GPC2: variants seen among roughly 807,000 people sequenced by gnomAD.
The protein encoded by GPC2 is glypican 2.
A neutral mutation model predicts 57.3 loss-of-function variants in GPC2; 42 were observed. The observed-to-expected ratio is 0.73, with a 90% CI of 0.57 to 0.95. GPC2 has a LOEUF of 0.95. GPC2 is among the 40% of genes least tolerant of loss of function. The pLI is 0.00. For synonymous variants in GPC2, 364 were observed against 343.4 expected, an observed-to-expected ratio of 1.06 and a Z score of -0.66; for missense variants, 745 against 793.6, an observed-to-expected ratio of 0.94 and a Z score of 0.74.
At position 100,171,458 on chromosome 7, in the gene GPC2, A is replaced by G. The variant is rs752317247; in HGVS notation, c.1311-22T>C. The stretch of plus-strand genomic sequence containing the variant: ...GTACCTGCGAGCAGAGCAGCCCCGA[A>G]GCGCCAGCTAGCGCGCGCGGCCCCG... On this transcript the variant is annotated intron_variant, in intron 8 of 9. Transcript: ENST00000292377. The surrounding 1 kb of genome is among the most constrained non-coding windows in gnomAD (Gnocchi z 4.8). 55 of 1,360,254 alleles carry G rather than the reference A, an allele frequency of 4.0e-5. No individual in the cohort carries two copies. The African/African-American group carries it at 7.7e-4, about 19-fold the overall frequency. The allele number at this position is 1,360,254 out of a possible 1,614,324, so 84.3% of individuals were successfully genotyped here. A position where few individuals can be genotyped will look rare whatever the true frequency, so the allele number is the denominator to read the frequency against.
At chr7:100,172,953 A>C (rs1799210752) in intron 5 of GPC2, among the ~76,000 whole-genome samples, 1 of 151,162 alleles carries the variant, frequency 6.6e-6, no homozygotes, top group South Asian at 2.1e-4. Flanking sequence ...GGCTCACTGC[A>C]ATCTCTGCCT....
In GPC2 at chr7:100,176,238, G is replaced by C; in HGVS notation, c.294C>G (p.His98Gln). ...ATTTTCTGTGCCTGGCAGCCAGTGT[G>C]TGAACCAGAAAGGAGCCGCTGTCCT... ...LVEDSGSFLV[H>Q]TLAARHRKFD... Residue 98 changes from histidine to glutamine, a missense_variant, in exon 2 of 10, where the codon CAC becomes CAG. By Grantham distance (24) the His-to-Gln change is conservative. Coordinates refer to ENST00000292377, the MANE Select transcript of GPC2 (RefSeq NM_152742.3). 6.2e-7 allele frequency: 1 copy of C among 1,612,946 alleles called. No individual in the cohort carries two copies. Among genetic ancestry groups the C allele is most frequent in the Non-Finnish European group, 8.5e-7 (1 of 1,179,508 alleles).
chr7:100,173,107 C>T (rs1244398759), intron 5 of GPC2, among the ~76,000 whole-genome samples: 2 of 152,030 alleles, frequency 1.3e-5, no homozygotes, highest in Non-Finnish European at 2.9e-5. Context: ...CTCCTGACCT[C>T]TTGATCCACC....
Position 100,171,950 on chromosome 7 carries a change from C to T in GPC2, c.1024-25G>A, listed in dbSNP as rs1799186808. On this transcript the variant is annotated intron_variant, in intron 6 of 9. Coordinates refer to ENST00000292377, the MANE Select transcript of GPC2 (RefSeq NM_152742.3). This position sits in a 1 kb window ranked among gnomAD's most constrained non-coding sequence, Gnocchi z 4.8. ...CCTGCGGCACCGGGAAGAGACCTCA[C>T]ACAGTCACCCTGGGGGGAAACCACA... The T allele has an allele frequency of 6.5e-6, 10 of 1,531,674 alleles. No homozygotes were observed. Among genetic ancestry groups the T allele is most frequent in the African/African-American group, 1.4e-5 (1 of 73,144 alleles). The allele number at this position is 1,531,674 out of a possible 1,614,324, so 94.9% of individuals were successfully genotyped here.
chr7:100,177,079 C>G lies in GPC2; in HGVS notation c.121G>C (p.Ala41Pro), dbSNP rs775950099. ...SCAETRQVLG[A>P]RGYSLNLIPP... is the part of the protein sequence containing the mutation. Reference sequence around the variant, plus strand: ...ATTAGGTTTAAGCTATATCCCCGGGCCCCCAGCACCTGCCGGGTCTCTGCA... The same window carrying G: ...ATTAGGTTTAAGCTATATCCCCGGGGCCCCAGCACCTGCCGGGTCTCTGCA... The change falls in exon 1 of 10, where the codon GCC (alanine) becomes CCC (proline). Residue 41 changes from alanine to proline, a missense_variant. Ala to Pro is a conservative substitution (Grantham distance 27). Around this residue, in one of 2 missense-constraint regions of GPC2, gnomAD observed 138 missense variants for 189.8 expected, o/e 0.73. Coordinates refer to ENST00000292377, the MANE Select transcript of GPC2 (RefSeq NM_152742.3). 8 of 1,603,486 alleles carry G rather than the reference C, an allele frequency of 5.0e-6. No homozygotes were observed. The South Asian group carries it at 5.5e-5, about 11-fold the overall frequency.
chr7:100,174,619 T>C (rs777145913), intron 4 of GPC2, 66 bp downstream of exon 4: 5 of 1,200,432 alleles, frequency 4.2e-6, no homozygotes, highest in Non-Finnish European at 6.2e-6. Flanking sequence ...GTTTCTTCCT[T>C]GTGGGGTCTC....
At chr7:100,172,465 A>ATTTTTTTTTTTTTTTTTT (rs766292878) in intron 5 of GPC2, among the ~76,000 whole-genome samples, 20 of 140,178 alleles carry the variant, frequency 1.4e-4, no homozygotes, top group Non-Finnish European at 2.7e-4. Flanking sequence ...GGATTTTAGG[A>ATTTTTTTTTTTTTTTTTT]TTTTTTTTTT....
chr7:100,176,976 A>AGGCGGGGGGGGGGGGGGGGG, intron 1 of GPC2, 58 bp downstream of exon 1: 1 of 793,266 alleles, frequency 1.3e-6, no homozygotes. Context: ...TTGTGAGATG[A>AGGCGGGGGGGGGGGGGGGGG]GGAGGCCCCG....
Position 100,173,840 on chromosome 7 carries a change from T to G in GPC2, c.887A>C (p.Tyr296Ser). 6.4e-7 allele frequency: 1 copy of G among 1,564,104 alleles called. No homozygotes were observed. The highest frequency in any genetic ancestry group is 8.7e-7 in the Non-Finnish European group (1 of 1,155,324). Reference sequence around the variant, plus strand: ...GCTTTCTTGAATCCCCTCACCCAGATAGTTGCCCCAGTCAGGCTCCAGTCC... The same window carrying G: ...GCTTTCTTGAATCCCCTCACCCAGAGAGTTGCCCCAGTCAGGCTCCAGTCC... ...SRGLEPDWGN[Y>S]LDGLLILADK... The change falls in exon 5 of 10, where the codon TAT becomes TCT. Residue 296 changes from tyrosine (Y) to serine (S), a missense_variant. Tyr to Ser is a moderately radical substitution (Grantham distance 144). This residue lies in a region of GPC2 where 607 missense variants were observed against 603.9 expected (regional missense o/e 1.01). Transcript: ENST00000292377.
Position 100,170,280 on chromosome 7 carries a change from T to C in GPC2, c.1690A>G (p.Thr564Ala). The C allele has an allele frequency of 6.3e-7, 1 of 1,592,684 alleles. No individual in the cohort carries two copies. The highest frequency in any genetic ancestry group is 8.6e-7 in the Non-Finnish European group (1 of 1,169,294). ...GCTGAGAGGGAGAGAATGAGGATGG[T>C]TTGGGTGTGAAAACCAATAGATGCC... is the stretch of plus-strand genomic sequence containing the variant. ...GGASIGFHTQTILILSLSALA... is the reference protein window; with the variant it reads ...GGASIGFHTQAILILSLSALA... The change falls in exon 10 of 10, where the codon ACC (threonine) becomes GCC (alanine). Residue 564 changes from threonine to alanine, a missense_variant. Transcript: ENST00000292377.
In GPC2 at chr7:100,172,465, A is replaced by ATTTTTTTTTTTTTTTT. The variant is rs766292878; in HGVS notation, c.893-249_893-248insAAAAAAAAAAAAAAAA. Among the ~76,000 whole-genome samples, 590 of 140,100 alleles carry ATTTTTTTTTTTTTTTT rather than the reference A, an allele frequency of 4.2e-3. 4 individuals are homozygous for ATTTTTTTTTTTTTTTT. Among genetic ancestry groups the ATTTTTTTTTTTTTTTT allele is most frequent in the South Asian group, 0.013 (55 of 4,380 alleles). 91.9% of individuals were successfully genotyped at this position (140,100 alleles called of 152,430 possible). On this transcript the variant is annotated intron_variant, in intron 5 of 9. Coordinates refer to ENST00000292377, the MANE Select transcript of GPC2 (RefSeq NM_152742.3). ...TAAATTTAAATTTTAGGATTTTAGG[A>ATTTTTTTTTTTTTTTT]TTTTTTTTTTTTTTGAGACATAGTC...
rs1167353626 is a variant in GPC2, at chr7:100,171,185, G to T, written c.1486+76C>A. 7.8e-7 allele frequency: 1 copy of T among 1,280,204 alleles called. No individual in the cohort carries two copies. 79.3% of individuals were successfully genotyped at this position (1,280,204 alleles called of 1,614,324 possible). On this transcript the variant is annotated intron_variant, in intron 9 of 9. Transcript: ENST00000292377. The surrounding 1 kb of genome is among the most constrained non-coding windows in gnomAD (Gnocchi z 4.8). ...AATGAACGCTAAGAGCAGAGGCACG[G>T]GCGGGAACTACCAGGAGAGGGGAGA...
intron 4 of GPC2, chr7:100,174,346 G>T: frequency 3.8e-6 from 2 of 520,846 alleles, no homozygotes; most frequent in South Asian, 4.2e-5. Flanking sequence ...CAGGCATCTG[G>T]CCTTCAGCAG....
At position 100,177,160 on chromosome 7, in the gene GPC2, G is replaced by C. The variant is rs986640718; in HGVS notation, c.40C>G (p.Leu14Val). Residue 14 changes from leucine (L) to valine (V), a missense_variant, in exon 1 of 10, where the codon CTG becomes GTG. This residue lies in a region of GPC2 where 138 missense variants were observed against 189.8 expected (regional missense o/e 0.73). Transcript: ENST00000292377. ...LRPLLLLLLPLCPGPGPGPGS... is the reference protein window; with the variant it reads ...LRPLLLLLLPVCPGPGPGPGS... ...GGTCCGGGACCAGGACCGGGACACAGAGGCAGCAGCAGAAGCAGGAGAGGT... is the reference window on the plus strand; with the variant it reads ...GGTCCGGGACCAGGACCGGGACACACAGGCAGCAGCAGAAGCAGGAGAGGT... 7.4e-6 allele frequency: 12 copies of C among 1,613,828 alleles called. No homozygotes were observed. Among genetic ancestry groups the C allele is most frequent in the African/African-American group, 2.7e-5 (2 of 74,946 alleles).
At position 100,171,575 on chromosome 7, in the gene GPC2, TC is replaced by T; in HGVS notation, c.1273del (p.Glu425ArgfsTer57). ...DSRMAADASL[E>X]AAPCWTGAGR... ...GGCTCCGGTCCAGCAGGGCGCCGCC[TC>T]CAGCGAGGCGTCCGCTGCCATGCGA... is the stretch of plus-strand genomic sequence containing the variant. On this transcript the variant is annotated frameshift_variant, in exon 8 of 10. Transcript: ENST00000292377. LOFTEE classifies it high-confidence loss of function. The surrounding 1 kb of genome is among the most constrained non-coding windows in gnomAD (Gnocchi z 4.8). The T allele has an allele frequency of 6.7e-7, 1 of 1,502,112 alleles. No individual in the cohort carries two copies. Among genetic ancestry groups the T allele is most frequent in the African/African-American group, 1.4e-5 (1 of 69,406 alleles). The allele number at this position is 1,502,112 out of a possible 1,614,324, so 93.0% of individuals were successfully genotyped here. A position where few individuals can be genotyped will look rare whatever the true frequency, so the allele number is the denominator to read the frequency against.
chr7:100,174,621 TG>T, intron 4 of GPC2, 63 bp downstream of exon 4: 1 of 1,213,252 alleles, frequency 8.2e-7, no homozygotes, highest in Non-Finnish European at 1.2e-6. Flanking sequence ...TTCTTCCTTG[TG>T]GGGTCTCTCT....
At chr7:100,175,982 A>G (rs1799267259) in intron 2 of GPC2, 88 bp from the exon 3 acceptor site, 1 of 1,119,370 alleles carries the variant, frequency 8.9e-7, no homozygotes. Context: ...AGGAGATGGG[A>G]GAGAAGAGAA....
chr7:100,171,641 C>A lies in GPC2; in HGVS notation c.1208G>T (p.Gly403Val), dbSNP rs781442990. The A allele has an allele frequency of 3.3e-6, 5 of 1,527,898 alleles. No individual in the cohort carries two copies. In the South Asian group the frequency reaches 6.1e-5, roughly 19 times the overall value. 94.6% of individuals were successfully genotyped at this position (1,527,898 alleles called of 1,614,324 possible). Residue 403 changes from glycine (G) to valine (V), a missense_variant, in exon 8 of 10, where the codon GGC becomes GTC. Gly to Val is a moderately radical substitution (Grantham distance 109). Transcript: ENST00000292377. The surrounding 1 kb of genome is among the most constrained non-coding windows in gnomAD (Gnocchi z 4.8). Reference sequence around the variant, plus strand: ...CGTCAGGGACAGCCGGGCCCAGAAGCCCCGCATCCGGGCCAGACGCTCGCG... The same window carrying A: ...CGTCAGGGACAGCCGGGCCCAGAAGACCCGCATCCGGGCCAGACGCTCGCG... ...ELRERLARMR[G>V]FWARLSLTVC...
At position 100,177,358 on chromosome 7, in the gene GPC2, G is replaced by C. The variant is rs1248762204; in HGVS notation, c.-159C>G. 1.0e-5 allele frequency: 6 copies of C among 595,292 alleles called. No homozygotes were observed. The highest frequency in any genetic ancestry group is 1.3e-5 in the Non-Finnish European group (5 of 373,524). 36.9% of individuals were successfully genotyped at this position (595,292 alleles called of 1,614,324 possible). On this transcript the variant is annotated 5_prime_UTR_variant, in exon 1 of 10. Transcript: ENST00000292377. ...ACCGAGCACGATAGCTGGACCAGGC[G>C]GCATCTGCCGAGACAATGGGAGCGG...
Sources: allele counts gnomAD v4.1 joint callset (sites outside exome capture counted in the v4.1 genomes callset), GRCh38; gene constraint gnomAD v4.1.1; regional missense constraint gnomAD v4.1.1; non-coding constraint Gnocchi (gnomAD v3.1); transcripts MANE v1.5; gene names NCBI Gene and HGNC (gene_info 2026-07-23, HGNC 2026-07-21).